MS4A18: variants seen among roughly 807,000 people sequenced by gnomAD.
The protein encoded by MS4A18 is membrane spanning 4-domains A18, also known as membrane-spanning 4-domains subfamily A member 18.
Under a neutral mutation model 13.1 loss-of-function variants are expected in MS4A18, and 27 were observed. The observed-to-expected ratio is 2.06, with a 90% confidence interval of 1.52 to 2.84. The LOEUF is 2.84. MS4A18 is among the 30% of genes most tolerant of loss of function. The pLI is 0.00. For missense variants in MS4A18, 307 were observed against 196.4 expected, an observed-to-expected ratio of 1.56 and a Z score of -3.37; for synonymous variants, 126 against 76.5, an observed-to-expected ratio of 1.65 and a Z score of -3.38.
chr11:60,729,678 C>A, exon 1 of MS4A18: 1 of 702,780 alleles, frequency 1.4e-6, no homozygotes. Flanking sequence ...TGAATGCTAA[C>A]CCTGGGCTGA....
chr11:60,741,141 G>C (rs1438091946), exon 5 of MS4A18: 1 of 703,046 alleles, frequency 1.4e-6, no homozygotes, highest in South Asian at 1.5e-5. Flanking sequence ...CAGACAATTT[G>C]AGGTAAGCAT....
chr11:60,729,903 G>A (rs1447535824), intron 1 of MS4A18, 117 bp downstream of exon 2: 5 of 605,362 alleles, frequency 8.3e-6, no homozygotes, highest in Non-Finnish European at 1.2e-5. Flanking sequence ...GTGGGTGTGG[G>A]GGGCAGTTTC....
At chr11:60,725,138 A>G (rs1284390397), upstream of MS4A18, among the ~76,000 whole-genome samples, 1 of 151,404 alleles carries the variant, frequency 6.6e-6, no homozygotes, top group Non-Finnish European at 1.5e-5. Context: ...GATCAGGTCT[A>G]CTTAGGACCT....
exon 6 of MS4A18, chr11:60,743,814 T>A (rs2134683740): frequency 1.4e-6 from 1 of 702,394 alleles, no homozygotes; most frequent in African/African-American, 1.8e-5. Flanking sequence ...CCACCAGCCC[T>A]GTCAACACCA....
At chr11:60,731,582 A>G (rs910296314) in intron 1 of MS4A18, among the ~76,000 whole-genome samples, 10 of 152,212 alleles carry the variant, frequency 6.6e-5, no homozygotes, top group African/African-American at 2.2e-4. Flanking sequence ...TGACCTTGGA[A>G]GCAAGAGACA....
At chr11:60,725,841 A>G (rs1176399834), upstream of MS4A18, among the ~76,000 whole-genome samples, 1 of 152,060 alleles carries the variant, frequency 6.6e-6, no homozygotes, top group East Asian at 1.9e-4. Context: ...ACAATAATAT[A>G]TTGCTGGGGG....
chr11:60,735,500 A>ATTTTTTTTTTTTT (rs56136215), intron 2 of MS4A18, among the ~76,000 whole-genome samples: 12 of 110,082 alleles, frequency 1.1e-4, no homozygotes, highest in Non-Finnish European at 1.6e-4. Context: ...TGCCCGGCTA[A>ATTTTTTTTTTTTT]TTTTTTTTTT....
chr11:60,737,142 G>A, intron 3 of MS4A18, 108 bp downstream of exon 4: 1 of 683,022 alleles, frequency 1.5e-6, no homozygotes, highest in East Asian at 2.7e-5. Context: ...CCCTGGCCCT[G>A]GGTACAGTGC....
rs1335422651 is a variant in MS4A18 at position 60,733,429 on chromosome 11, A to T, written c.478-105A>T. 4.4e-6 allele frequency: 3 copies of T among 677,348 alleles called. No homozygotes were observed. The South Asian group carries it at 4.8e-5, about 11-fold the overall frequency. The allele number at this position is 677,348 out of a possible 1,614,324, so 42.0% of individuals were successfully genotyped here. A position where few individuals can be genotyped will look rare whatever the true frequency, so the allele number is the denominator to read the frequency against. ...GGTCTGGGATGAGCCCCCAACACCA[A>T]TCACCCCTGGGGTGATTCTGGGGCA... is the stretch of plus-strand genomic sequence containing the variant. On this transcript the variant is annotated intron_variant, in intron 1 of 5. Transcript: ENST00000529108.
upstream of MS4A18, among the ~76,000 whole-genome samples, chr11:60,727,038 T>C (rs1014294756): frequency 3.3e-5 from 5 of 152,182 alleles, no homozygotes; most frequent in Non-Finnish European, 5.9e-5. Flanking sequence ...TGTGTTAGTT[T>C]GCTGAGAATG....
At chr11:60,732,383 G>A (rs1466109832) in intron 1 of MS4A18, among the ~76,000 whole-genome samples, 1 of 152,052 alleles carries the variant, frequency 6.6e-6, no homozygotes, top group Non-Finnish European at 1.5e-5. Flanking sequence ...AGGCCACAAA[G>A]AGAATATCGG....
intron 1 of MS4A18, 101 bp downstream of exon 2, chr11:60,729,887 G>C (rs1853228215): frequency 3.3e-6 from 2 of 612,956 alleles, no homozygotes; most frequent in African/African-American, 3.7e-5. Flanking sequence ...GTAAAGGGGA[G>C]GTGGAGTGGG....
At chr11:60,730,197 T>C (rs139356944) in intron 1 of MS4A18, among the ~76,000 whole-genome samples, 178 of 152,346 alleles carry the variant, frequency 1.2e-3, no homozygotes, top group African/African-American at 4.2e-3. Context: ...ATCTTTAGAA[T>C]AAGAAGATTC....
At position 60,740,372 on chromosome 11, in the gene MS4A18, A is replaced by G. The variant is rs114319016; in HGVS notation, c.745-658A>G. On this transcript the variant is annotated intron_variant, in intron 4 of 5. Transcript: ENST00000529108. Reference sequence around the variant, plus strand: ...CACTGAGCTCTCTGGGACCCCTTCAATCCTGCCTTAGTTTCTGTCTTGACA... The same window carrying G: ...CACTGAGCTCTCTGGGACCCCTTCAGTCCTGCCTTAGTTTCTGTCTTGACA... Among the ~76,000 whole-genome samples, 1,248 of 152,222 alleles carry G rather than the reference A, an allele frequency of 8.2e-3. 22 individuals are homozygous for G. Among genetic ancestry groups the G allele is most frequent in the African/African-American group, 0.029 (1,199 of 41,548 alleles).
chr11:60,732,426 A>G (rs4939448), intron 1 of MS4A18, among the ~76,000 whole-genome samples: 2,095 of 152,202 alleles, frequency 0.014, 118 homozygotes, highest in Admixed American at 0.1. Flanking sequence ...AGCAGAGGGC[A>G]TTGAAATACT....
chr11:60,738,392 T>A (rs1479459862), intron 3 of MS4A18, among the ~76,000 whole-genome samples: 1 of 152,216 alleles, frequency 6.6e-6, no homozygotes. Flanking sequence ...CTTCCCTCAA[T>A]TCAAGCTTGG....
At chr11:60,727,450 G>A (rs1358022058), upstream of MS4A18, among the ~76,000 whole-genome samples, 1 of 152,168 alleles carries the variant, frequency 6.6e-6, no homozygotes, top group African/African-American at 2.4e-5. Context: ...CCCTGATACT[G>A]TCTTGCTTTC....
exon 6 of MS4A18, chr11:60,744,159 C>T: frequency 1.7e-6 from 1 of 582,500 alleles, no homozygotes; most frequent in Non-Finnish European, 3.0e-6. Flanking sequence ...TCCTAAGCTT[C>T]ATTTTTGTTT....
At chr11:60,741,578 C>T (rs6591622) in intron 5 of MS4A18, among the ~76,000 whole-genome samples, 5,116 of 152,228 alleles carry the variant, frequency 0.034, 277 homozygotes, top group African/African-American at 0.11. Flanking sequence ...ATCACATTTG[C>T]TAATGTCCCA....
Sources: gnomAD v4.1 joint callset for allele counts (sites outside exome capture counted in the v4.1 genomes callset) on GRCh38, gnomAD v4.1.1 for gene constraint, MANE v1.5 for transcripts, NCBI Gene and HGNC (gene_info 2026-07-23, HGNC 2026-07-21) for gene names.